The following CTNND2 variants were observed in gnomAD, a reference collection of about 807,000 sequenced individuals.
The protein encoded by CTNND2 is catenin delta-2.
Under a neutral mutation model 144.4 loss-of-function variants are expected in CTNND2, and 22 were observed. The ratio of observed to expected loss-of-function variants is 0.15; its 90% confidence interval spans 0.11 to 0.22. CTNND2 has a LOEUF of 0.22. CTNND2 is among the 10% of genes least tolerant of loss of function. The probability of loss-of-function intolerance (pLI) is 1.00; values close to 1 mark genes in which losing one functional copy is unlikely to be tolerated. For missense variants in CTNND2, 1,353 were observed against 1,618.8 expected, an observed-to-expected ratio of 0.84 and a Z score of 2.82; for synonymous variants, 751 against 695.6, an observed-to-expected ratio of 1.08 and a Z score of -1.25.
intron 2 of CTNND2, among the ~76,000 whole-genome samples, chr5:11,641,760 A>G (rs1782049036): frequency 6.7e-6 from 1 of 148,264 alleles, no homozygotes; most frequent in Admixed American, 6.6e-5. Flanking sequence ...GTATGTACAT[A>G]CATATACGTA....
intron 9 of CTNND2, among the ~76,000 whole-genome samples, chr5:11,258,436 G>A (rs1351304870): frequency 6.6e-6 from 1 of 152,150 alleles, no homozygotes; most frequent in Non-Finnish European, 1.5e-5. Context: ...TTATGCTCAG[G>A]CACCAATCCG....
chr5:11,239,847 A>G (rs891065054), intron 9 of CTNND2, among the ~76,000 whole-genome samples: 2 of 152,180 alleles, frequency 1.3e-5, no homozygotes, highest in African/African-American at 4.8e-5. Flanking sequence ...GTGGAGGATG[A>G]CACCGTCATG....
intron 10 of CTNND2, among the ~76,000 whole-genome samples, chr5:11,211,125 G>A (rs1738586400): frequency 6.6e-6 from 1 of 152,190 alleles, no homozygotes; most frequent in Non-Finnish European, 1.5e-5. Context: ...AGAGAAGGAA[G>A]AAAGGATAAA....
chr5:11,612,818 T>C (rs774950739), intron 2 of CTNND2, among the ~76,000 whole-genome samples: 1 of 152,100 alleles, frequency 6.6e-6, no homozygotes, highest in Non-Finnish European at 1.5e-5. Flanking sequence ...GAGGATCACT[T>C]GAGCCCTAGA....
At chr5:11,517,498 T>C (rs910547147) in intron 3 of CTNND2, among the ~76,000 whole-genome samples, 2 of 152,164 alleles carry the variant, frequency 1.3e-5, no homozygotes, top group Non-Finnish European at 2.9e-5. Flanking sequence ...ATTTAAGGTA[T>C]ACAATGTGAT....
At chr5:11,548,902 T>A (rs1775505550) in intron 3 of CTNND2, among the ~76,000 whole-genome samples, 1 of 152,248 alleles carries the variant, frequency 6.6e-6, no homozygotes, top group Non-Finnish European at 1.5e-5. Context: ...TTCTGATTAA[T>A]TTTCTTCCTC....
chr5:11,173,184 C>A (rs906879029), intron 11 of CTNND2, among the ~76,000 whole-genome samples: 7 of 152,256 alleles, frequency 4.6e-5, no homozygotes, highest in African/African-American at 1.4e-4. Flanking sequence ...CTCTGGCTTG[C>A]AGCCAACCAC....
intron 3 of CTNND2, among the ~76,000 whole-genome samples, chr5:11,449,591 C>T (rs1765125747): frequency 6.6e-6 from 1 of 152,170 alleles, no homozygotes; most frequent in South Asian, 2.1e-4. Flanking sequence ...GCAGGGGGCA[C>T]ACTCAAAAAG....
At chr5:11,241,179 CAGA>C (rs1346959799) in intron 9 of CTNND2, among the ~76,000 whole-genome samples, 2 of 152,168 alleles carry the variant, frequency 1.3e-5, no homozygotes, top group African/African-American at 2.4e-5. Context: ...CAGACACACA[CAGA>C]GGAGTCCTTC....
chr5:11,900,778 A>C (rs1160121055), intron 1 of CTNND2, among the ~76,000 whole-genome samples: 1 of 152,222 alleles, frequency 6.6e-6, no homozygotes, highest in Non-Finnish European at 1.5e-5. Context: ...GCCAGCAAAG[A>C]ACCACACCTT....
intron 1 of CTNND2, among the ~76,000 whole-genome samples, chr5:11,853,658 G>GC (rs1414324969): frequency 4.6e-5 from 7 of 152,090 alleles, no homozygotes; most frequent in Non-Finnish European, 7.4e-5. Context: ...TCTCAGACCT[G>GC]CCCCACTCAC....
rs1376740986 is a variant in CTNND2 at position 10,972,067 on chromosome 5, C to G, written c.*1386G>C. On this transcript the variant is annotated 3_prime_UTR_variant, in exon 22 of 22. Coordinates refer to ENST00000304623, the MANE Select transcript of CTNND2 (RefSeq NM_001332.4). Reference sequence around the variant, plus strand: ...TGTGTACTGCTCCCTGCCACATGAACAAAAAGTTTGGGGGAATAAGGCGAG... The same window carrying G: ...TGTGTACTGCTCCCTGCCACATGAAGAAAAAGTTTGGGGGAATAAGGCGAG... 6.6e-6 allele frequency: 1 copy of G among 152,566 alleles called. No homozygotes were observed. Among genetic ancestry groups the G allele is most frequent in the African/African-American group, 2.4e-5 (1 of 41,420 alleles). 9.5% of individuals were successfully genotyped at this position (152,566 alleles called of 1,614,324 possible).
chr5:11,538,712 T>A (rs2150066240), intron 3 of CTNND2, among the ~76,000 whole-genome samples: 1 of 152,322 alleles, frequency 6.6e-6, no homozygotes, highest in South Asian at 2.1e-4. Context: ...AATTGATTTC[T>A]TGGTGTCCTG....
At chr5:11,176,910 C>A (rs1016958277) in intron 11 of CTNND2, among the ~76,000 whole-genome samples, 2 of 152,176 alleles carry the variant, frequency 1.3e-5, no homozygotes, top group Non-Finnish European at 2.9e-5. Flanking sequence ...TTTGTCCCAT[C>A]CTCCACAGAT....
chr5:10,988,099 AG>A lies in CTNND2; in HGVS notation c.3343+11del. ...ACCAAGTTCCAGGAGGGGGCGCGCG[AG>A]GGGCGCTCACCTGTCATGGCATCTT... On this transcript the variant is annotated intron_variant, in intron 20 of 21. Coordinates refer to ENST00000304623, the MANE Select transcript of CTNND2 (RefSeq NM_001332.4). This position sits in a 1 kb window ranked among gnomAD's most constrained non-coding sequence, Gnocchi z 5.9. 1 of 1,613,814 alleles carries A rather than the reference AG, an allele frequency of 6.2e-7. No homozygotes were observed. Among genetic ancestry groups the A allele is most frequent in the South Asian group, 1.1e-5 (1 of 91,026 alleles).
At chr5:11,382,732 G>A (rs916124082) in intron 7 of CTNND2, among the ~76,000 whole-genome samples, 4 of 151,446 alleles carry the variant, frequency 2.6e-5, no homozygotes, top group African/African-American at 4.9e-5. Flanking sequence ...TCACAACCCC[G>A]AAATTCCAAA....
chr5:11,888,674 T>C lies in CTNND2; in HGVS notation c.37+15143A>G, dbSNP rs79320144. Among the ~76,000 whole-genome samples the C allele has an allele frequency of 2.6e-3, 397 of 152,246 alleles. 14 individuals are homozygous for C. The East Asian group carries it at 0.066, about 25-fold the overall frequency. ...ATGGTTACCTGTTAGAAATTTCACA[T>C]GATCCTCCTACCTACTACTTGCAAC... On this transcript the variant is annotated intron_variant, in intron 1 of 21. Coordinates refer to ENST00000304623, the MANE Select transcript of CTNND2 (RefSeq NM_001332.4).
chr5:11,028,431 A>G (rs1363929472), intron 16 of CTNND2, among the ~76,000 whole-genome samples: 1 of 152,172 alleles, frequency 6.6e-6, no homozygotes, highest in Non-Finnish European at 1.5e-5. Flanking sequence ...TATATAGTTC[A>G]TTGATATTAT....
rs540604406 is a variant in CTNND2, at chr5:11,170,428, C to T, written c.1976-10669G>A. 6.6e-5 allele frequency among the ~76,000 whole-genome samples: 10 copies of T among 152,270 alleles called. No individual in the cohort carries two copies. The East Asian group carries it at 1.9e-3, about 29-fold the overall frequency. Reference sequence around the variant, plus strand: ...ACAATTGTATGTATGTATCTTCATACAACATGATATTTTGAAGTATATACA... The same window carrying T: ...ACAATTGTATGTATGTATCTTCATATAACATGATATTTTGAAGTATATACA... On this transcript the variant is annotated intron_variant, in intron 11 of 21. Coordinates refer to ENST00000304623, the MANE Select transcript of CTNND2 (RefSeq NM_001332.4).
Sources: gnomAD v4.1 joint callset for allele counts (sites outside exome capture counted in the v4.1 genomes callset) on GRCh38, gnomAD v4.1.1 for gene constraint, Gnocchi (gnomAD v3.1) non-coding constraint, MANE v1.5 for transcripts, NCBI Gene and HGNC (gene_info 2026-07-23, HGNC 2026-07-21) for gene names.